Variants in RBFOX1 observed in about 807,000 individuals in gnomAD.
The protein encoded by RBFOX1 is RNA binding fox-1 homolog 1, also known as RNA binding protein fox-1 homolog 1.
In RBFOX1, 8 loss-of-function variants were observed where a neutral mutation model predicts 57.7. The ratio of observed to expected loss-of-function variants is 0.14; its 90% CI spans 0.08 to 0.25. RBFOX1 has a LOEUF of 0.25. Among genes scored for constraint, RBFOX1 ranks in the 10% least tolerant of loss-of-function variants. The pLI is 1.00. For missense variants in RBFOX1, 611 were observed against 548.5 expected (o/e 1.11, Z -1.14); for synonymous variants, 326 against 222.4 (o/e 1.47, Z -4.15).
intron 3 of RBFOX1, among the ~76,000 whole-genome samples, chr16:5,815,693 T>C (rs191088488): frequency 2.6e-5 from 4 of 152,306 alleles, no homozygotes; most frequent in Non-Finnish European, 4.4e-5. Context: ...ATAGGTTTCT[T>C]TATTAAAAAT....
At chr16:6,193,392 CTATATATATA>C (rs55707901) in intron 1 of RBFOX1, among the ~76,000 whole-genome samples, 63 of 43,216 alleles carry the variant, frequency 1.5e-3, no homozygotes, top group African/African-American at 3.6e-3. Context: ...TATATATATA[CTATATATATA>C]TATATATATA....
At chr16:7,315,463 C>CCCCCCG (rs1555700285) in intron 4 of RBFOX1, among the ~76,000 whole-genome samples, 1 of 151,680 alleles carries the variant, frequency 6.6e-6, no homozygotes, top group Non-Finnish European at 1.5e-5. Flanking sequence ...CCTACCCCCC[C>CCCCCCG]CCCCATACTG....
chr16:7,289,695 T>C (rs532928580), intron 4 of RBFOX1, among the ~76,000 whole-genome samples: 7 of 152,292 alleles, frequency 4.6e-5, no homozygotes, highest in Admixed American at 4.6e-4. Flanking sequence ...TCCTTGAAGC[T>C]GATATGTGTT....
chr16:6,337,281 G>A (rs572637197), intron 2 of RBFOX1, among the ~76,000 whole-genome samples: 17 of 152,234 alleles, frequency 1.1e-4, no homozygotes, highest in Admixed American at 6.5e-4. Context: ...ATTTAAAGTC[G>A]ACATGCTGAT....
At chr16:7,260,943 C>A (rs1324369196) in intron 4 of RBFOX1, among the ~76,000 whole-genome samples, 2 of 152,186 alleles carry the variant, frequency 1.3e-5, no homozygotes, top group African/African-American at 4.8e-5. Flanking sequence ...TCTGGCCAAA[C>A]ACCTACAGCC....
chr16:6,970,361 C>G (rs977046676), intron 3 of RBFOX1, among the ~76,000 whole-genome samples: 5 of 152,164 alleles, frequency 3.3e-5, no homozygotes, highest in Admixed American at 1.3e-4. Context: ...TTTGTCTTTT[C>G]TCAGTTGCAA....
chr16:6,908,121 C>A (rs2070555310), intron 3 of RBFOX1, among the ~76,000 whole-genome samples: 2 of 151,826 alleles, frequency 1.3e-5, no homozygotes, highest in Non-Finnish European at 2.9e-5. Flanking sequence ...AGGACATCCA[C>A]ATGTTTTGGA....
intron 1 of RBFOX1, among the ~76,000 whole-genome samples, chr16:6,282,344 G>A (rs1473669789): frequency 1.5e-5 from 2 of 132,976 alleles, no homozygotes; most frequent in Non-Finnish European, 3.1e-5. Flanking sequence ...CTCATTCCTT[G>A]TACCTTGTCT....
intron 1 of RBFOX1, among the ~76,000 whole-genome samples, chr16:5,301,265 C>T (rs1596455427): frequency 1.3e-5 from 2 of 152,176 alleles, no homozygotes; most frequent in Admixed American, 1.3e-4. Flanking sequence ...CTGCAGCCAG[C>T]AGCCACTGAG....
chr16:7,153,957 T>A (rs75155713), intron 4 of RBFOX1, among the ~76,000 whole-genome samples: 5 of 152,114 alleles, frequency 3.3e-5, no homozygotes, highest in Admixed American at 6.5e-5. Flanking sequence ...AGAATGGAGA[T>A]AAAGAGAAAA....
chr16:6,344,407 CTT>C (rs60637926), intron 2 of RBFOX1, among the ~76,000 whole-genome samples: 3 of 109,832 alleles, frequency 2.7e-5, no homozygotes, highest in Non-Finnish European at 5.1e-5. Flanking sequence ...TCTTTTTTTT[CTT>C]TTTTTTTTTT....
chr16:6,910,628 C>G (rs1002033077), intron 3 of RBFOX1, among the ~76,000 whole-genome samples: 1 of 152,160 alleles, frequency 6.6e-6, no homozygotes, highest in African/African-American at 2.4e-5. Context: ...AAGGCAGTTT[C>G]CCATCTTTGT....
chr16:5,789,436 T>C (rs909419624), intron 3 of RBFOX1, among the ~76,000 whole-genome samples: 9 of 152,036 alleles, frequency 5.9e-5, no homozygotes, highest in Non-Finnish European at 1.3e-4. Context: ...TTTATATGAG[T>C]GTGTGTGTAT....
chr16:5,563,218 G>A (rs143568592), intron 2 of RBFOX1, among the ~76,000 whole-genome samples: 139 of 152,266 alleles, frequency 9.1e-4, no homozygotes, highest in Non-Finnish European at 1.5e-3. Context: ...CAAAGTGTTG[G>A]GATTACAGGC....
chr16:6,199,341 GT>G (rs1459965534), intron 1 of RBFOX1, among the ~76,000 whole-genome samples: 2 of 152,156 alleles, frequency 1.3e-5, no homozygotes, highest in Non-Finnish European at 2.9e-5. Context: ...GAATGCCATT[GT>G]GGTCTACATC....
chr16:6,657,611 G>A (rs1180328774), intron 3 of RBFOX1, among the ~76,000 whole-genome samples: 4 of 152,290 alleles, frequency 2.6e-5, no homozygotes, highest in Admixed American at 6.5e-5. Context: ...AGTTGCTCAC[G>A]CACGTGTGTG....
intron 1 of RBFOX1, among the ~76,000 whole-genome samples, chr16:5,323,573 T>A (rs1319337120): frequency 6.6e-6 from 1 of 152,236 alleles, no homozygotes; most frequent in Admixed American, 6.5e-5. Context: ...TAGCGTCAGA[T>A]TAATTAGACA....
chr16:5,856,573 G>GTA (rs1173432604), intron 3 of RBFOX1, among the ~76,000 whole-genome samples: 3 of 25,546 alleles, frequency 1.2e-4, no homozygotes, highest in Admixed American at 4.1e-4. Context: ...ATGTGTGTGT[G>GTA]TGTATATATA....
At chr16:7,606,893 C>G (rs1459024920) in intron 9 of RBFOX1, among the ~76,000 whole-genome samples, 3 of 152,058 alleles carry the variant, frequency 2.0e-5, no homozygotes, top group Non-Finnish European at 4.4e-5. Context: ...TTTATGCAAG[C>G]TTTCTAATTT....
Sources: gnomAD v4.1 joint callset for allele counts (sites outside exome capture counted in the v4.1 genomes callset) on GRCh38, gnomAD v4.1.1 for gene constraint, MANE v1.5 for transcripts, NCBI Gene and HGNC (gene_info 2026-07-23, HGNC 2026-07-21) for gene names.